JPH3: variants seen among roughly 807,000 people sequenced by gnomAD.
JPH3 encodes the protein junctophilin 3.
A neutral mutation model predicts 59.6 loss-of-function variants in JPH3; 11 were observed. The observed-to-expected ratio is 0.18, with a 90% confidence interval of 0.12 to 0.31. JPH3 has a LOEUF of 0.31. JPH3 is among the 10% of genes least tolerant of loss of function. The pLI is 1.00. For missense variants in JPH3, 1,202 were observed against 1,105.7 expected (o/e 1.09, Z -1.24); for synonymous variants, 673 against 483.6 (o/e 1.39, Z -5.14).
At chr16:87,683,293 A>G (rs2033339538) in intron 2 of JPH3, among the ~76,000 whole-genome samples, 2 of 152,116 alleles carry the variant, frequency 1.3e-5, no homozygotes, top group Non-Finnish European at 2.9e-5. Context: ...GTTGATAATA[A>G]GAACAGAAAC....
rs59009330 is a variant in JPH3 at position 87,677,174 on chromosome 16, CTATA to C, written c.1161-6959_1161-6956del. 1.8e-3 allele frequency among the ~76,000 whole-genome samples: 215 copies of C among 119,148 alleles called. 3 individuals carry two copies. The highest frequency in any genetic ancestry group is 5.1e-3 in the African/African-American group (144 of 28,212). The allele number at this position is 119,148 out of a possible 152,430, so 78.2% of individuals were successfully genotyped here. The stretch of plus-strand genomic sequence containing the variant: ...ACTCCATTATACACACACACACGCA[CTATA>C]TATATATACACACACACACACACAC... On this transcript the variant is annotated intron_variant, in intron 2 of 4. Transcript: ENST00000284262.
chr16:87,637,709 T>TTCCGCCTCGTGGTGCCC (rs11273093), intron 1 of JPH3, among the ~76,000 whole-genome samples: 2,360 of 152,068 alleles, frequency 0.016, 71 homozygotes, highest in African/African-American at 0.054. Context: ...TTGAAGGCCA[T>TTCCGCCTCGTGGTGCCC]TCCGCCTCGT....
At chr16:87,673,384 G>A (rs1439483540) in intron 2 of JPH3, among the ~76,000 whole-genome samples, 1 of 151,764 alleles carries the variant, frequency 6.6e-6, no homozygotes, top group African/African-American at 2.4e-5. Flanking sequence ...TGCTTTGCTC[G>A]TGGGGGTGTA....
intron 1 of JPH3, among the ~76,000 whole-genome samples, chr16:87,631,142 G>C (rs966299842): frequency 1.3e-5 from 2 of 152,042 alleles, no homozygotes; most frequent in African/African-American, 4.8e-5. Context: ...ACACACAAAT[G>C]TACAAATACG....
rs1408620560 is a variant in JPH3, at chr16:87,611,490, C to T, written c.382+7962C>T. ...GTCATGACATTTTTTTCCTTCTCAA[C>T]ATGTGCCATCTCCCTCCTACCTATG... On this transcript the variant is annotated intron_variant, in intron 1 of 4. Coordinates refer to ENST00000284262, the MANE Select transcript of JPH3 (RefSeq NM_020655.4). This position sits in a 1 kb window ranked among gnomAD's most constrained non-coding sequence, Gnocchi z 4.5. Among the ~76,000 whole-genome samples the T allele has an allele frequency of 6.6e-6, 1 of 152,178 alleles. No homozygotes were observed.
intron 2 of JPH3, among the ~76,000 whole-genome samples, chr16:87,657,877 C>T (rs2032558816): frequency 6.6e-6 from 1 of 152,328 alleles, no homozygotes; most frequent in African/African-American, 2.4e-5. Context: ...GGGGCATGTG[C>T]CTGGCTGACA....
chr16:87,656,445 A>G (rs375004806), intron 2 of JPH3, among the ~76,000 whole-genome samples: 2 of 152,274 alleles, frequency 1.3e-5, no homozygotes, highest in East Asian at 3.9e-4. Flanking sequence ...GAATGGGGAG[A>G]TGAGCCACGT....
chr16:87,646,672 T>C (rs1990863), intron 2 of JPH3, among the ~76,000 whole-genome samples: 32,455 of 152,002 alleles, frequency 0.21, 3,678 homozygotes, highest in East Asian at 0.34. Flanking sequence ...CTATTTTGTA[T>C]AGTTGCTTTT....
chr16:87,632,591 A>G (rs2031599004), intron 1 of JPH3, among the ~76,000 whole-genome samples: 1 of 152,154 alleles, frequency 6.6e-6, no homozygotes, highest in South Asian at 2.1e-4. Context: ...CACTAAACAC[A>G]CTAATTTCAA....
intron 2 of JPH3, among the ~76,000 whole-genome samples, chr16:87,653,162 T>C (rs1365608980): frequency 6.6e-6 from 1 of 152,204 alleles, no homozygotes. Context: ...GGGATCCTTG[T>C]TGATGATGGC....
At chr16:87,650,456 C>G (rs540804670) in intron 2 of JPH3, among the ~76,000 whole-genome samples, 4 of 152,284 alleles carry the variant, frequency 2.6e-5, no homozygotes, top group African/African-American at 7.2e-5. Flanking sequence ...CCAATGGTCT[C>G]TAAGTGTTCA....
At chr16:87,673,654 G>A (rs990632903) in intron 2 of JPH3, among the ~76,000 whole-genome samples, 3 of 152,168 alleles carry the variant, frequency 2.0e-5, no homozygotes, top group Admixed American at 1.3e-4. Flanking sequence ...GGCTGGGCAC[G>A]GTGGCTCACA....
chr16:87,676,074 G>T (rs1330522389), intron 2 of JPH3, among the ~76,000 whole-genome samples: 1 of 152,242 alleles, frequency 6.6e-6, no homozygotes. Context: ...AGATCACGAT[G>T]GTGGTGACCC....
chr16:87,602,396 T>G (rs1243706288), upstream of JPH3, among the ~76,000 whole-genome samples: 4 of 99,786 alleles, frequency 4.0e-5, no homozygotes, highest in African/African-American at 1.5e-4. Flanking sequence ...CGCGCCCCTC[T>G]TGGGACCGCC....
intron 1 of JPH3, among the ~76,000 whole-genome samples, chr16:87,636,907 A>G (rs982259958): frequency 4.6e-5 from 7 of 152,226 alleles, no homozygotes; most frequent in Non-Finnish European, 7.3e-5. Flanking sequence ...TTCCCCGGCC[A>G]TAGTACGCGC....
At chr16:87,686,009 AGAG>A (rs1447193345) in intron 3 of JPH3, among the ~76,000 whole-genome samples, 2 of 152,274 alleles carry the variant, frequency 1.3e-5, no homozygotes, top group South Asian at 2.1e-4. Flanking sequence ...AAGAGACAGA[AGAG>A]GAGGAGACAG....
chr16:87,626,976 AT>A (rs2031401520), intron 1 of JPH3, among the ~76,000 whole-genome samples: 1 of 152,194 alleles, frequency 6.6e-6, no homozygotes. Flanking sequence ...CCCCATCTCT[AT>A]TTATTAAAAA....
chr16:87,670,113 G>A (rs1427120053), intron 2 of JPH3, among the ~76,000 whole-genome samples: 4 of 152,114 alleles, frequency 2.6e-5, no homozygotes, highest in Admixed American at 2.0e-4. Flanking sequence ...AGGCCCTGAC[G>A]GAGACTCCCC....
Position 87,644,784 on chromosome 16 carries a change from C to T in JPH3, c.909C>T (p.Ser303=), listed in dbSNP as rs751131621. The T allele has an allele frequency of 5.0e-6, 8 of 1,613,128 alleles. No homozygotes were observed. The highest frequency in any genetic ancestry group is 6.8e-6 in the Non-Finnish European group (8 of 1,179,878). ...KNDKRSGFGV[S]QRSDGLKYEG... is the part of the protein sequence containing the mutation. ...ACAAACGCTCCGGCTTCGGCGTGAGCCAGCGCTCGGACGGGCTCAAGTACG... is the reference window on the plus strand; with the variant it reads ...ACAAACGCTCCGGCTTCGGCGTGAGTCAGCGCTCGGACGGGCTCAAGTACG... Residue 303 remains serine, a synonymous_variant, in exon 2 of 5, where the codon AGC becomes AGT. Transcript: ENST00000284262.
Sources: allele counts gnomAD v4.1 joint callset (sites outside exome capture counted in the v4.1 genomes callset), GRCh38; gene constraint gnomAD v4.1.1; non-coding constraint Gnocchi (gnomAD v3.1); transcripts MANE v1.5; gene names NCBI Gene and HGNC (gene_info 2026-07-23, HGNC 2026-07-21).